Variants in SLC1A1 observed in about 807,000 individuals in gnomAD.
SLC1A1 encodes the protein solute carrier family 1 member 1.
In SLC1A1, 43 loss-of-function variants were observed where a neutral mutation model predicts 53.3. The observed-to-expected ratio is 0.81, with a 90% CI of 0.63 to 1.04. SLC1A1 has a LOEUF of 1.04. SLC1A1 is among the 50% of genes least tolerant of loss of function. The pLI, the probability that SLC1A1 is intolerant of heterozygous loss-of-function variation, is 0.00. For synonymous variants in SLC1A1, 307 were observed against 243.2 expected (o/e 1.26, Z -2.44); for missense variants, 748 against 664.9 (o/e 1.12, Z -1.37).
intron 6 of SLC1A1, among the ~76,000 whole-genome samples, chr9:4,570,814 T>A (rs2129759799): frequency 6.6e-6 from 1 of 151,248 alleles, no homozygotes; most frequent in African/African-American, 2.4e-5. Context: ...GAGGCTGAGG[T>A]GAGAGGATCA....
At chr9:4,523,383 G>C (rs1046820263) in intron 1 of SLC1A1, among the ~76,000 whole-genome samples, 1 of 150,654 alleles carries the variant, frequency 6.6e-6, no homozygotes, top group Non-Finnish European at 1.5e-5. Flanking sequence ...ATTTGTTCTC[G>C]TACCACTAAG....
chr9:4,534,302 A>G (rs1044296171), intron 1 of SLC1A1, among the ~76,000 whole-genome samples: 7 of 152,194 alleles, frequency 4.6e-5, no homozygotes, highest in African/African-American at 1.7e-4. Context: ...AACAAAATTG[A>G]TAGACTGCTA....
intron 1 of SLC1A1, among the ~76,000 whole-genome samples, chr9:4,541,092 TG>T (rs1189885179): frequency 2.0e-5 from 3 of 152,196 alleles, no homozygotes; most frequent in Non-Finnish European, 4.4e-5. Context: ...GCTGGGGCTT[TG>T]GGGGTCCAGG....
intron 10 of SLC1A1, among the ~76,000 whole-genome samples, chr9:4,577,766 C>T (rs1056345509): frequency 7.9e-5 from 12 of 152,312 alleles, no homozygotes; most frequent in South Asian, 2.1e-4. Flanking sequence ...TGAGCCACCA[C>T]GCCCGGCAGA....
rs142572920 is a variant in SLC1A1, at chr9:4,553,609, C to T, written c.233-7840C>T. The stretch of plus-strand genomic sequence containing the variant: ...CTTGAACTCCTGACCTCAAGTGATC[C>T]ACTTGCCTCAGCCTCCCAAAGTGCT... On this transcript the variant is annotated intron_variant, in intron 2 of 11. Transcript: ENST00000262352. 6.5e-3 allele frequency: 994 copies of T among 152,394 alleles called. 8 individuals carry two copies. Among genetic ancestry groups the T allele is most frequent in the Middle Eastern group, 0.024 (7 of 294 alleles). The allele number at this position is 152,394 out of a possible 1,614,324, so 9.4% of individuals were successfully genotyped here.
chr9:4,566,704 A>T (rs543429565), intron 5 of SLC1A1, among the ~76,000 whole-genome samples: 38 of 152,290 alleles, frequency 2.5e-4, no homozygotes, highest in African/African-American at 8.7e-4. Context: ...ATTTAAAAAA[A>T]AATATAAAAA....
Position 4,587,153 on chromosome 9 carries a change from G to A in SLC1A1, c.*1595G>A, listed in dbSNP as rs534062641. On this transcript the variant is annotated 3_prime_UTR_variant, in exon 12 of 12. Transcript: ENST00000262352. ...CTACATCTGAAATCTACAACATAAT[G>A]ATACTGAATTGTTATGTAAACATCA... 1 of 152,696 alleles carries A rather than the reference G, an allele frequency of 6.5e-6. No individual in the cohort carries two copies. Among genetic ancestry groups the A allele is most frequent in the East Asian group, 1.9e-4 (1 of 5,186 alleles). The allele number at this position is 152,696 out of a possible 1,614,324, so 9.5% of individuals were successfully genotyped here.
intron 1 of SLC1A1, among the ~76,000 whole-genome samples, chr9:4,519,850 G>A (rs575247202): frequency 7.2e-5 from 11 of 152,236 alleles, no homozygotes; most frequent in Non-Finnish European, 1.2e-4. Flanking sequence ...ATGGGGACCC[G>A]GACCACATGT....
chr9:4,585,056 C>T (rs1477975396), intron 11 of SLC1A1, among the ~76,000 whole-genome samples: 1 of 152,168 alleles, frequency 6.6e-6, no homozygotes, highest in Non-Finnish European at 1.5e-5. Flanking sequence ...TGGAACGACT[C>T]TATTCATGTT....
intron 2 of SLC1A1, 122 bp downstream of exon 2, chr9:4,544,829 CAGA>C: frequency 1.2e-6 from 1 of 840,250 alleles, no homozygotes; most frequent in Non-Finnish European, 1.9e-6. Flanking sequence ...CATCCTGGCT[CAGA>C]AGGTCTCAGG....
At chr9:4,576,428 T>C in intron 9 of SLC1A1, 141 bp from the exon 10 acceptor site, 1 of 774,522 alleles carries the variant, frequency 1.3e-6, no homozygotes, top group Non-Finnish European at 2.2e-6. Flanking sequence ...TTTCATTTTG[T>C]TTTGTTATTT....
chr9:4,492,218 C>T (rs1586680939), intron 1 of SLC1A1, among the ~76,000 whole-genome samples: 1 of 151,966 alleles, frequency 6.6e-6, no homozygotes, highest in South Asian at 2.1e-4. Context: ...AAATAGCATA[C>T]GCTACAAAGA....
chr9:4,490,772 T>C lies in SLC1A1; in HGVS notation c.91+2T>C. 2 of 1,610,954 alleles carry C rather than the reference T, an allele frequency of 1.2e-6. No homozygotes were observed. Among genetic ancestry groups the C allele is most frequent in the Non-Finnish European group, 1.7e-6 (2 of 1,177,814 alleles). On this transcript the variant is annotated splice_donor_variant, in intron 1 of 11. Coordinates refer to ENST00000262352, the MANE Select transcript of SLC1A1 (RefSeq NM_004170.6). LOFTEE classifies it high-confidence loss of function. ...CCACCGTGGCCGCGGTGGTGCTAGGTGAGCGGCGCGGCGGGTGGGCGATGC... is the reference window on the plus strand; with the variant it reads ...CCACCGTGGCCGCGGTGGTGCTAGGCGAGCGGCGCGGCGGGTGGGCGATGC...
intron 1 of SLC1A1, among the ~76,000 whole-genome samples, chr9:4,541,314 A>G (rs1368321026): frequency 6.6e-6 from 1 of 152,222 alleles, no homozygotes; most frequent in Non-Finnish European, 1.5e-5. Context: ...GTTAAAAGTT[A>G]AGTACTTGCT....
chr9:4,490,711 G>A lies in SLC1A1; in HGVS notation c.32G>A (p.Trp11Ter), dbSNP rs1272510331. ...AAACCGGCGAGGAAAGGATGCGAGT[G>A]GAAGCGCTTCCTGAAGAATAACTGG... MGKPARKGCE[W>*]KRFLKNNWVL... Residue 11 changes from tryptophan to a stop codon, truncating the protein, a stop_gained, in exon 1 of 12, where the codon TGG (tryptophan) becomes TAG (stop). Transcript: ENST00000262352. LOFTEE classifies it high-confidence loss of function. The A allele has an allele frequency of 6.2e-7, 1 of 1,612,856 alleles. No homozygotes were observed. The highest frequency in any genetic ancestry group is 1.1e-5 in the South Asian group (1 of 91,044).
In SLC1A1 at chr9:4,495,887, G is replaced by A. The variant is rs941865953; in HGVS notation, c.91+5117G>A. ...CAGCAAAACAGAGAGTCCTGGAAGG[G>A]GCACCGACTTGGAAAAGAACATGGC... On this transcript the variant is annotated intron_variant, in intron 1 of 11. Coordinates refer to ENST00000262352, the MANE Select transcript of SLC1A1 (RefSeq NM_004170.6). Among the ~76,000 whole-genome samples, 11 of 152,228 alleles carry A rather than the reference G, an allele frequency of 7.2e-5. No homozygotes were observed. In the East Asian group the frequency reaches 1.5e-3, roughly 21 times the overall value.
intron 5 of SLC1A1, 37 bp from the exon 6 acceptor site, chr9:4,567,628 CTTTT>C (rs760433538): frequency 1.7e-5 from 23 of 1,359,938 alleles, no homozygotes; most frequent in Non-Finnish European, 2.2e-5. Context: ...AAAAAAAATT[CTTTT>C]TTTGTTTGCT....
chr9:4,531,949 CT>C (rs1461816594), intron 1 of SLC1A1, among the ~76,000 whole-genome samples: 1 of 152,200 alleles, frequency 6.6e-6, no homozygotes, highest in African/African-American at 2.4e-5. Flanking sequence ...CAAAGAGGGT[CT>C]GGAGTGGACC....
At chr9:4,582,121 T>G (rs1327511083) in intron 10 of SLC1A1, among the ~76,000 whole-genome samples, 1 of 152,218 alleles carries the variant, frequency 6.6e-6, no homozygotes, top group Non-Finnish European at 1.5e-5. Context: ...TCAAGGGATT[T>G]TTCAGGGCAT....
Sources: gnomAD v4.1 joint callset for allele counts (sites outside exome capture counted in the v4.1 genomes callset) on GRCh38, gnomAD v4.1.1 for gene constraint, MANE v1.5 for transcripts, NCBI Gene and HGNC (gene_info 2026-07-23, HGNC 2026-07-21) for gene names.